SMPDL3B: variants seen among roughly 807,000 people sequenced by gnomAD.
The protein encoded by SMPDL3B is acid sphingomyelinase-like phosphodiesterase 3b.
A neutral mutation model predicts 37.9 loss-of-function variants in SMPDL3B; 31 were observed. The observed-to-expected ratio is 0.82, with a 90% CI of 0.61 to 1.10. SMPDL3B has a LOEUF of 1.10. SMPDL3B is among the 50% of genes least tolerant of loss of function. The pLI, the probability that SMPDL3B is intolerant of heterozygous loss-of-function variation, is 0.00. For synonymous variants in SMPDL3B, 235 were observed against 242.6 expected (o/e 0.97, Z 0.29); for missense variants, 525 against 597.8 (o/e 0.88, Z 1.27).
chr1:27,942,662 TTTG>T (rs1158798712), intron 1 of SMPDL3B, among the ~76,000 whole-genome samples: 3 of 149,394 alleles, frequency 2.0e-5, no homozygotes, highest in Admixed American at 1.3e-4. Context: ...TTTTTTGTTT[TTTG>T]TTGTTGTGTT....
At chr1:27,939,414 A>G (rs1428602385) in intron 1 of SMPDL3B, among the ~76,000 whole-genome samples, 3 of 152,026 alleles carry the variant, frequency 2.0e-5, no homozygotes, top group Non-Finnish European at 4.4e-5. Context: ...GCGGTGCTGC[A>G]ATCATAGCTC....
rs898126427 is a variant in SMPDL3B, at chr1:27,958,479, A to G, written c.1009A>G (p.Met337Val). ...CTACCCCAAACCCTTTTTCCAGGACATGGTGACCTACTTCATGAACCTGAG... is the reference window on the plus strand; with the variant it reads ...CTACCCCAAACCCTTTTTCCAGGACGTGGTGACCTACTTCATGAACCTGAG... ...YDRATLSLKDMVTYFMNLSQA... is the reference protein window; with the variant it reads ...YDRATLSLKDVVTYFMNLSQA... Residue 337 changes from methionine to valine, a missense_variant, in exon 8 of 8, where the codon ATG becomes GTG. Met to Val is a conservative substitution (Grantham distance 21). Coordinates refer to ENST00000373894, the MANE Select transcript of SMPDL3B (RefSeq NM_014474.4). The surrounding 1 kb of genome is among the most constrained non-coding windows in gnomAD (Gnocchi z 5.6). 3.1e-6 allele frequency: 5 copies of G among 1,598,932 alleles called. No homozygotes were observed. Among genetic ancestry groups the G allele is most frequent in the South Asian group, 1.1e-5 (1 of 90,528 alleles).
In SMPDL3B at chr1:27,959,045, AAAAC is replaced by A; in HGVS notation, c.*212_*215del. The A allele has an allele frequency of 1.7e-6, 1 of 578,308 alleles. No individual in the cohort carries two copies. The highest frequency in any genetic ancestry group is 3.0e-6 in the Non-Finnish European group (1 of 333,122). 35.8% of individuals were successfully genotyped at this position (578,308 alleles called of 1,614,324 possible). A position where few individuals can be genotyped will look rare whatever the true frequency, so the allele number is the denominator to read the frequency against. The stretch of plus-strand genomic sequence containing the variant: ...GGGTGACAAAGCCAGACTCTCTCCA[AAAAC>A]AAACCAGAAACAGAAAAGAAATGAC... On this transcript the variant is annotated 3_prime_UTR_variant, in exon 8 of 8. Coordinates refer to ENST00000373894, the MANE Select transcript of SMPDL3B (RefSeq NM_014474.4).
intron 4 of SMPDL3B, 38 bp downstream of exon 4, chr1:27,953,396 G>A (rs2090471378): frequency 6.4e-7 from 1 of 1,552,616 alleles, no homozygotes; most frequent in Non-Finnish European, 8.8e-7. Context: ...AGCACTTACT[G>A]TATGCCAGGG....
Position 27,945,445 on chromosome 1 carries a change from G to C in SMPDL3B, c.275G>C (p.Gly92Ala). 6.2e-7 allele frequency: 1 copy of C among 1,612,650 alleles called. No homozygotes were observed. Among genetic ancestry groups the C allele is most frequent in the East Asian group, 2.2e-5 (1 of 44,872 alleles). ...GAGCCAGACTTCATTCTCTGGACTG[G>C]GTGAGTACAGTTGAGGTGGCAGCTA... Reference protein sequence around the residue: ...EPEPDFILWTGDDTPHVPDEK... With the variant: ...EPEPDFILWTADDTPHVPDEK... The change falls in exon 2 of 8, where the codon GGT (glycine) becomes GCT (alanine). Residue 92 changes from glycine (G) to alanine (A), a missense_variant and splice_region_variant. Physicochemically the swap from Gly to Ala is moderately conservative, Grantham distance 60. Transcript: ENST00000373894. The surrounding 1 kb of genome is among the most constrained non-coding windows in gnomAD (Gnocchi z 4.0).
At position 27,955,764 on chromosome 1, in the gene SMPDL3B, A is replaced by T. The variant is rs1557500280; in HGVS notation, c.771A>T (p.Glu257Asp). ...NKAWFREGFN[E>D]KYLKVVRKHH... ...CATGGTTCCGGGAGGGCTTCAATGAAAAATACCTGAAGGTGGTCCGGAAGC... is the reference window on the plus strand; with the variant it reads ...CATGGTTCCGGGAGGGCTTCAATGATAAATACCTGAAGGTGGTCCGGAAGC... Residue 257 changes from glutamate to aspartate, a missense_variant, in exon 6 of 8, where the codon GAA (glutamate) becomes GAT (aspartate). Transcript: ENST00000373894. 2.5e-6 allele frequency: 4 copies of T among 1,614,158 alleles called. No individual in the cohort carries two copies. The highest frequency in any genetic ancestry group is 3.4e-6 in the Non-Finnish European group (4 of 1,180,030).
chr1:27,945,299 G>C lies in SMPDL3B; in HGVS notation c.129G>C (p.Gln43His). 2.5e-6 allele frequency: 4 copies of C among 1,614,190 alleles called. No homozygotes were observed. The highest frequency in any genetic ancestry group is 3.4e-6 in the Non-Finnish European group (4 of 1,180,032). Residue 43 changes from glutamine to histidine, a missense_variant, in exon 2 of 8, where the codon CAG becomes CAC. Transcript: ENST00000373894. This position sits in a 1 kb window ranked among gnomAD's most constrained non-coding sequence, Gnocchi z 4.0. ...ACAAGGTATCCAAAGACCCCTTCCAGGTGTGCCCATCAGCTGGATCCCAGC... is the reference window on the plus strand; with the variant it reads ...ACAAGGTATCCAAAGACCCCTTCCACGTGTGCCCATCAGCTGGATCCCAGC... ...PDYKVSKDPFQVCPSAGSQPV... is the reference protein window; with the variant it reads ...PDYKVSKDPFHVCPSAGSQPV...
intron 2 of SMPDL3B, 140 bp from the exon 3 acceptor site, chr1:27,948,925 T>C: frequency 6.6e-7 from 1 of 1,504,328 alleles, no homozygotes; most frequent in Non-Finnish European, 9.0e-7. Context: ...CTGACTCCAC[T>C]CTAGCCTGGC....
At chr1:27,942,010 GACAC>G (rs1301160367) in intron 1 of SMPDL3B, among the ~76,000 whole-genome samples, 1 of 151,882 alleles carries the variant, frequency 6.6e-6, no homozygotes, top group Non-Finnish European at 1.5e-5. Context: ...CACACACACA[GACAC>G]ACACGCACAC....
In SMPDL3B at chr1:27,945,703, C is replaced by G; in HGVS notation, c.275+258C>G. On this transcript the variant is annotated intron_variant, in intron 2 of 7. Transcript: ENST00000373894. The surrounding 1 kb of genome is among the most constrained non-coding windows in gnomAD (Gnocchi z 4.0). ...TCTCAATCAGGCTTTTGGACGTGGT[C>G]CTGGCATGCCTGGGCACCCGGAGAG... Among the ~76,000 whole-genome samples the G allele has an allele frequency of 6.6e-6, 1 of 152,166 alleles. No individual in the cohort carries two copies. Among genetic ancestry groups the G allele is most frequent in the East Asian group, 1.9e-4 (1 of 5,194 alleles).
At chr1:27,951,744 G>A (rs990025461) in intron 3 of SMPDL3B, among the ~76,000 whole-genome samples, 1 of 152,164 alleles carries the variant, frequency 6.6e-6, no homozygotes, top group African/African-American at 2.4e-5. Context: ...AGCTACTTGG[G>A]AGGCTGAGAC....
Position 27,956,099 on chromosome 1 carries a change from A to C in SMPDL3B, c.1005+17A>C. The C allele has an allele frequency of 1.2e-6, 2 of 1,614,132 alleles. No homozygotes were observed. Among genetic ancestry groups the C allele is most frequent in the South Asian group, 2.2e-5 (2 of 91,082 alleles). ...AGCCTGAAGGTCAGGAGTCCTGCGGAGGCCAGAGGAGGAGGGTGGGAGGGG... is the reference window on the plus strand; with the variant it reads ...AGCCTGAAGGTCAGGAGTCCTGCGGCGGCCAGAGGAGGAGGGTGGGAGGGG... On this transcript the variant is annotated intron_variant, in intron 7 of 7. Transcript: ENST00000373894.
intron 5 of SMPDL3B, 121 bp downstream of exon 5, chr1:27,954,647 C>A: frequency 1.1e-6 from 1 of 896,364 alleles, no homozygotes; most frequent in Admixed American, 2.2e-5. Flanking sequence ...CTTTATCAGC[C>A]CGGCACCAGC....
intron 2 of SMPDL3B, among the ~76,000 whole-genome samples, chr1:27,947,727 T>C (rs1416714808): frequency 1.3e-5 from 2 of 149,108 alleles, no homozygotes; most frequent in African/African-American, 4.9e-5. Flanking sequence ...GGCTCACTGG[T>C]GCCCCCTACC....
At chr1:27,940,281 G>GC (rs1479370552) in intron 1 of SMPDL3B, among the ~76,000 whole-genome samples, 3 of 152,148 alleles carry the variant, frequency 2.0e-5, no homozygotes, top group South Asian at 4.1e-4. Context: ...TGTCCTGCCT[G>GC]CCCTGCCCCT....
At chr1:27,938,694 A>G (rs76661141) in intron 1 of SMPDL3B, among the ~76,000 whole-genome samples, 1,744 of 152,334 alleles carry the variant, frequency 0.011, 42 homozygotes, top group African/African-American at 0.039. Flanking sequence ...TAGAAACCAC[A>G]CTTCGAGAAG....
Position 27,945,133 on chromosome 1 carries a change from G to A in SMPDL3B, c.62-99G>A. 2.6e-6 allele frequency: 3 copies of A among 1,137,622 alleles called. No homozygotes were observed. Among genetic ancestry groups the A allele is most frequent in the Non-Finnish European group, 3.9e-6 (3 of 767,976 alleles). The allele number at this position is 1,137,622 out of a possible 1,614,324, so 70.5% of individuals were successfully genotyped here. ...GCTCAGAGAAGACTTCCATTTGCCT[G>A]TGTAACGCCCCTGCCCCAGCCCAGG... On this transcript the variant is annotated intron_variant, in intron 1 of 7. Transcript: ENST00000373894. The surrounding 1 kb of genome is among the most constrained non-coding windows in gnomAD (Gnocchi z 4.0).
intron 1 of SMPDL3B, among the ~76,000 whole-genome samples, chr1:27,944,143 G>T (rs2090384578): frequency 6.6e-6 from 1 of 151,822 alleles, no homozygotes; most frequent in Non-Finnish European, 1.5e-5. Flanking sequence ...TGCCACTTCA[G>T]CCTCCTTTGG....
At chr1:27,950,826 C>A (rs909551741) in intron 3 of SMPDL3B, among the ~76,000 whole-genome samples, 1 of 152,148 alleles carries the variant, frequency 6.6e-6, no homozygotes, top group Non-Finnish European at 1.5e-5. Flanking sequence ...GATGGCATTT[C>A]ACTATGTTGG....
Sources: allele counts gnomAD v4.1 joint callset (sites outside exome capture counted in the v4.1 genomes callset), GRCh38; gene constraint gnomAD v4.1.1; non-coding constraint Gnocchi (gnomAD v3.1); transcripts MANE v1.5; gene names NCBI Gene and HGNC (gene_info 2026-07-23, HGNC 2026-07-21).